PDE4DIP: variants seen among roughly 807,000 people sequenced by gnomAD.
PDE4DIP encodes phosphodiesterase 4D interacting protein.
A neutral mutation model predicts 221.4 loss-of-function variants in PDE4DIP; 59 were observed. The ratio of observed to expected loss-of-function variants is 0.27; its 90% CI spans 0.22 to 0.33. The LOEUF is 0.33. PDE4DIP is among the 10% of genes least tolerant of loss of function. The pLI, the probability that PDE4DIP is intolerant of heterozygous loss-of-function variation, is 1.00. For synonymous variants in PDE4DIP, 404 were observed against 815.9 expected (o/e 0.50, Z 8.60); for missense variants, 1,036 against 2,154.2 (o/e 0.48, Z 10.28).
chr1:148,905,254 G>A (rs1322813621), intron 1 of PDE4DIP, among the ~76,000 whole-genome samples: 11 of 127,298 alleles, frequency 8.6e-5, no homozygotes, highest in Non-Finnish European at 3.3e-5. Context: ...TGCGATCTCG[G>A]CTCACTACAA....
chr1:148,917,278 G>C (rs1553459125), intron 1 of PDE4DIP, among the ~76,000 whole-genome samples: 2 of 150,974 alleles, frequency 1.3e-5, no homozygotes, highest in Non-Finnish European at 3.0e-5. Flanking sequence ...TTTAATTGGA[G>C]ATCAGTGTGA....
intron 1 of PDE4DIP, among the ~76,000 whole-genome samples, chr1:148,815,284 C>T (rs1208749939): frequency 1.5e-4 from 21 of 140,196 alleles, no homozygotes; most frequent in African/African-American, 5.2e-4. Context: ...GTCACAGTGG[C>T]TCACGCCTGT....
intron 31 of PDE4DIP, 69 bp downstream of exon 34, chr1:149,010,664 A>G (rs587751586): frequency 5.3e-5 from 81 of 1,521,172 alleles, no homozygotes; most frequent in Non-Finnish European, 7.0e-5. Context: ...TTTTTCTTCA[A>G]CGACAGAGGT....
At chr1:148,843,440 G>T (rs1675523172) in intron 1 of PDE4DIP, among the ~76,000 whole-genome samples, 1 of 41,684 alleles carries the variant, frequency 2.4e-5, no homozygotes, top group Non-Finnish European at 4.2e-5. Context: ...CAGAACCTTA[G>T]CAGAGACTTT....
At chr1:148,936,687 G>A (rs587717381) in intron 4 of PDE4DIP, among the ~76,000 whole-genome samples, 1 of 151,780 alleles carries the variant, frequency 6.6e-6, no homozygotes, top group Non-Finnish European at 1.5e-5. Flanking sequence ...TTCTAGAAAA[G>A]GTTTATTCTG....
At chr1:149,032,222 A>G (rs1386915251) in exon 44 of PDE4DIP, 1 of 689,496 alleles carries the variant, frequency 1.5e-6, no homozygotes, top group Non-Finnish European at 2.5e-6. Context: ...GCCAAGGTCC[A>G]CTTGGCCCAG....
chr1:149,016,424 A>G (rs1553611066), exon 33 of PDE4DIP: 2 of 1,126,038 alleles, frequency 1.8e-6, no homozygotes, highest in Non-Finnish European at 2.7e-6. Context: ...AGAACTGGGA[A>G]GAATCCTAGA....
intron 5 of PDE4DIP, chr1:148,952,034 G>C (rs1346532983): frequency 9.9e-7 from 1 of 1,007,710 alleles, no homozygotes; most frequent in African/African-American, 1.7e-5. Flanking sequence ...GCTGGCAGCC[G>C]GAGGACGTGG....
At chr1:148,979,797 G>A (rs782020225) in exon 20 of PDE4DIP, 3 of 1,613,686 alleles carry the variant, frequency 1.9e-6, no homozygotes, top group Middle Eastern at 1.7e-4. Flanking sequence ...GGCCTTACAA[G>A]CAGAGAGACA....
At chr1:149,032,395 C>T (rs762952742) in exon 44 of PDE4DIP, 5 of 471,594 alleles carry the variant, frequency 1.1e-5, no homozygotes, top group Non-Finnish European at 1.6e-5. Context: ...GAAAGGGGCA[C>T]GTGGTCCCAA....
intron 14 of PDE4DIP, among the ~76,000 whole-genome samples, chr1:148,970,021 A>C: frequency 6.6e-6 from 1 of 151,930 alleles, no homozygotes; most frequent in Non-Finnish European, 1.5e-5. Context: ...TAAAGTGTTA[A>C]TTTTTCCTCA....
intron 23 of PDE4DIP, among the ~76,000 whole-genome samples, chr1:148,999,884 A>G (rs1391521941): frequency 6.8e-6 from 1 of 147,866 alleles, no homozygotes; most frequent in Non-Finnish European, 1.5e-5. Context: ...CTTCCTTTCA[A>G]GAAGGTTTTG....
chr1:149,028,408 A>T, intron 40 of PDE4DIP, 152 bp from the exon 44 acceptor site: 3 of 560,860 alleles, frequency 5.3e-6, no homozygotes, highest in Non-Finnish European at 9.3e-6. Context: ...TAAAGGGAGC[A>T]GCACCTTAGT....
At chr1:149,029,787 G>A (rs781971350) in exon 42 of PDE4DIP, 11 of 1,491,874 alleles carry the variant, frequency 7.4e-6, no homozygotes, top group East Asian at 2.3e-5. Context: ...TCTTATCCAG[G>A]GAGAATCAAC....
chr1:148,910,911 G>C (rs631219), intron 1 of PDE4DIP, among the ~76,000 whole-genome samples: 15 of 104,950 alleles, frequency 1.4e-4, no homozygotes, highest in African/African-American at 2.9e-4. Context: ...TTTGACCCAG[G>C]AATCCCATTA....
At chr1:148,920,037 A>G (rs1553461122) in intron 1 of PDE4DIP, among the ~76,000 whole-genome samples, 1 of 146,942 alleles carries the variant, frequency 6.8e-6, no homozygotes, top group Non-Finnish European at 1.5e-5. Flanking sequence ...GGTTTTGGCA[A>G]TCTTTAATCT....
At chr1:149,004,396 A>T (rs643201) in intron 26 of PDE4DIP, among the ~76,000 whole-genome samples, 19,454 of 134,346 alleles carry the variant, frequency 0.14, 1,803 homozygotes, top group Non-Finnish European at 0.2. Flanking sequence ...TGATATATTT[A>T]TTTGAAGCCT....
intron 1 of PDE4DIP, among the ~76,000 whole-genome samples, chr1:148,818,063 C>G (rs7533538): frequency 1.7e-4 from 25 of 150,068 alleles, no homozygotes; most frequent in African/African-American, 4.9e-4. Context: ...GTGATCTGCC[C>G]GCCTCCTCCC....
At chr1:148,978,076 C>A (rs1553539167) in intron 18 of PDE4DIP, 23 bp downstream of exon 21, 12 of 1,599,210 alleles carry the variant, frequency 7.5e-6, no homozygotes, top group Non-Finnish European at 1.0e-5. Flanking sequence ...TTTTTAAAGA[C>A]CACTGGAAAT....
Sources: allele counts gnomAD v4.1 joint callset (sites outside exome capture counted in the v4.1 genomes callset), GRCh38; gene constraint gnomAD v4.1.1; transcripts MANE v1.5; gene names NCBI Gene and HGNC (gene_info 2026-07-23, HGNC 2026-07-21).